The following ANKRD52 variants were observed in gnomAD, a reference collection of about 807,000 sequenced individuals.
ANKRD52 encodes the protein serine/threonine-protein phosphatase 6 regulatory ankyrin repeat subunit C.
In ANKRD52, 7 loss-of-function variants were observed where a neutral mutation model predicts 116.0. The observed-to-expected ratio is 0.06, with a 90% CI of 0.03 to 0.11. ANKRD52 has a LOEUF of 0.11. Ranked by LOEUF, ANKRD52 falls within the 10% of genes least tolerant of loss-of-function variation. ANKRD52 has a pLI of 1.00. For synonymous variants in ANKRD52, 528 were observed against 578.1 expected (o/e 0.91, Z 1.24); for missense variants, 839 against 1,408.6 (o/e 0.60, Z 6.47).
chr12:56,247,684 C>T lies in ANKRD52; in HGVS notation c.2066+3G>A. The T allele has an allele frequency of 1.2e-6, 2 of 1,610,300 alleles. No individual in the cohort carries two copies. The highest frequency in any genetic ancestry group is 1.7e-4 in the Middle Eastern group (1 of 6,060). On this transcript the variant is annotated splice_donor_region_variant and intron_variant, in intron 19 of 27. Coordinates refer to ENST00000267116, the MANE Select transcript of ANKRD52 (RefSeq NM_173595.4). Reference sequence around the variant, plus strand: ...CCTGCACCCCACCCTGGCCCACACTCACTGTCCATAGGCATCCATGACATC... The same window carrying T: ...CCTGCACCCCACCCTGGCCCACACTTACTGTCCATAGGCATCCATGACATC...
rs747544438 is a variant in ANKRD52, at chr12:56,252,771, A to T, written c.1301+9T>A. On this transcript the variant is annotated intron_variant, in intron 12 of 27. Transcript: ENST00000267116. This position sits in a 1 kb window ranked among gnomAD's most constrained non-coding sequence, Gnocchi z 4.7. ...TGCTCAAAGCATGGGAGAGAGAAAG[A>T]GAACTCACCCTCCGGAAGCAGCAGC... 2.5e-6 allele frequency: 4 copies of T among 1,612,146 alleles called. No individual in the cohort carries two copies. In the African/African-American group the frequency reaches 5.3e-5, roughly 22 times the overall value.
Position 56,254,030 on chromosome 12 carries a change from C to T in ANKRD52, c.906+37G>A, listed in dbSNP as rs775356598. The T allele has an allele frequency of 5.4e-5, 86 of 1,581,996 alleles. No individual in the cohort carries two copies. Among genetic ancestry groups the T allele is most frequent in the South Asian group, 1.9e-4 (17 of 89,970 alleles). On this transcript the variant is annotated intron_variant, in intron 8 of 27. Transcript: ENST00000267116. The surrounding 1 kb of genome is among the most constrained non-coding windows in gnomAD (Gnocchi z 4.6). ...AGTCAGGACCCCTAGATCCAAGTTT[C>T]GCTCCCCACTGGTCTAAGCCTTATC... is the stretch of plus-strand genomic sequence containing the variant.
Position 56,255,173 on chromosome 12 carries a change from G to T in ANKRD52, c.463-221C>A. ...GGGAAACAAGAGAGTCTCTTCAGGT[G>T]ATCTGGTGGTTCTTAAACTCTTTTT... On this transcript the variant is annotated intron_variant, in intron 5 of 27. Coordinates refer to ENST00000267116, the MANE Select transcript of ANKRD52 (RefSeq NM_173595.4). This position sits in a 1 kb window ranked among gnomAD's most constrained non-coding sequence, Gnocchi z 4.3. The T allele has an allele frequency of 2.2e-6, 1 of 451,606 alleles. No individual in the cohort carries two copies. Among genetic ancestry groups the T allele is most frequent in the Non-Finnish European group, 4.0e-6 (1 of 251,806 alleles). 28.0% of individuals were successfully genotyped at this position (451,606 alleles called of 1,614,324 possible). A position where few individuals can be genotyped will look rare whatever the true frequency, so the allele number is the denominator to read the frequency against.
At position 56,240,293 on chromosome 12, in the gene ANKRD52, T is replaced by C. The variant is rs745622874; in HGVS notation, c.*2849A>G. 6.6e-6 allele frequency: 1 copy of C among 152,202 alleles called. No individual in the cohort carries two copies. The highest frequency in any genetic ancestry group is 1.5e-5 in the Non-Finnish European group (1 of 68,062). The allele number at this position is 152,202 out of a possible 1,614,324, so 9.4% of individuals were successfully genotyped here. ...AAATAGCTCCCCCAAAATCAGAAAC[T>C]AAAAACTGGCTCTTTCCATCTCACC... On this transcript the variant is annotated 3_prime_UTR_variant, in exon 28 of 28. Coordinates refer to ENST00000267116, the MANE Select transcript of ANKRD52 (RefSeq NM_173595.4). The surrounding 1 kb of genome is among the most constrained non-coding windows in gnomAD (Gnocchi z 4.2).
Position 56,252,207 on chromosome 12 carries a change from G to A in ANKRD52, c.1479C>T (p.Leu493=). 1 of 1,614,024 alleles carries A rather than the reference G, an allele frequency of 6.2e-7. No individual in the cohort carries two copies. Among genetic ancestry groups the A allele is most frequent in the Non-Finnish European group, 8.5e-7 (1 of 1,179,902 alleles). Residue 493 remains leucine (L), a synonymous_variant, in exon 14 of 28, where the codon CTC becomes CTT. Coordinates refer to ENST00000267116, the MANE Select transcript of ANKRD52 (RefSeq NM_173595.4). This position sits in a 1 kb window ranked among gnomAD's most constrained non-coding sequence, Gnocchi z 4.7. ...AAGTGTCAGAAGCGGCAGCGTAGTG[G>A]AGGGGAGAGCAGCCTTTACAGTCGG... ...NEADCKGCSP[L]HYAAASDTYR... is the part of the protein sequence containing the mutation.
Position 56,241,720 on chromosome 12 carries a change from G to A in ANKRD52, c.*1422C>T. ...GAAGGGAACACTGGGCTGCAGGAGT[G>A]GGTCCAACTGTCCAGGAGGCTGCAC... On this transcript the variant is annotated 3_prime_UTR_variant, in exon 28 of 28. Coordinates refer to ENST00000267116, the MANE Select transcript of ANKRD52 (RefSeq NM_173595.4). 2.9e-6 allele frequency: 1 copy of A among 343,078 alleles called. No individual in the cohort carries two copies. Among genetic ancestry groups the A allele is most frequent in the Non-Finnish European group, 5.2e-6 (1 of 191,020 alleles). The allele number at this position is 343,078 out of a possible 1,614,324, so 21.3% of individuals were successfully genotyped here. A position where few individuals can be genotyped will look rare whatever the true frequency, so the allele number is the denominator to read the frequency against.
In ANKRD52 at chr12:56,248,370, C is replaced by G. The variant is rs182464539; in HGVS notation, c.1776+125G>C. 3 of 1,403,046 alleles carry G rather than the reference C, an allele frequency of 2.1e-6. No individual in the cohort carries two copies. The highest frequency in any genetic ancestry group is 3.0e-6 in the Non-Finnish European group (3 of 1,012,656). The allele number at this position is 1,403,046 out of a possible 1,614,324, so 86.9% of individuals were successfully genotyped here. A position where few individuals can be genotyped will look rare whatever the true frequency, so the allele number is the denominator to read the frequency against. On this transcript the variant is annotated intron_variant, in intron 17 of 27. Transcript: ENST00000267116. The surrounding 1 kb of genome is among the most constrained non-coding windows in gnomAD (Gnocchi z 5.1). ...GCCCCTTAAGGCTTCCTACCCTGCACTGTGCTTATCCCCTCTCCCACAAAA... is the reference window on the plus strand; with the variant it reads ...GCCCCTTAAGGCTTCCTACCCTGCAGTGTGCTTATCCCCTCTCCCACAAAA...
rs773087166 is a variant in ANKRD52, at chr12:56,248,259, G to C, written c.1777-35C>G. On this transcript the variant is annotated intron_variant, in intron 17 of 27. Transcript: ENST00000267116. This position sits in a 1 kb window ranked among gnomAD's most constrained non-coding sequence, Gnocchi z 5.1. ...TGCAGGCAACCAGTGCACACAGCTCGGGACCTTCCCTGCTCCTCCCTTCCC... is the reference window on the plus strand; with the variant it reads ...TGCAGGCAACCAGTGCACACAGCTCCGGACCTTCCCTGCTCCTCCCTTCCC... The C allele has an allele frequency of 6.2e-7, 1 of 1,607,394 alleles. No homozygotes were observed. Among genetic ancestry groups the C allele is most frequent in the Non-Finnish European group, 8.5e-7 (1 of 1,175,898 alleles).
In ANKRD52 at chr12:56,252,383, G is replaced by A. The variant is rs1359785991; in HGVS notation, c.1371-68C>T. The A allele has an allele frequency of 3.1e-6, 5 of 1,600,716 alleles. No individual in the cohort carries two copies. The highest frequency in any genetic ancestry group is 4.3e-6 in the Non-Finnish European group (5 of 1,168,704). ...AGATACGAATGCAATCAGATGTGCA[G>A]CCAAATGCTGCTTTGTAACATTCTC... is the stretch of plus-strand genomic sequence containing the variant. On this transcript the variant is annotated intron_variant, in intron 13 of 27. Coordinates refer to ENST00000267116, the MANE Select transcript of ANKRD52 (RefSeq NM_173595.4). The surrounding 1 kb of genome is among the most constrained non-coding windows in gnomAD (Gnocchi z 4.7).
Position 56,244,932 on chromosome 12 carries a change from A to C in ANKRD52, c.2550T>G (p.Ile850Met), listed in dbSNP as rs764374990. Residue 850 changes from isoleucine to methionine, a missense_variant, in exon 23 of 28, where the codon ATT becomes ATG. This residue lies in a region of ANKRD52 where 552 missense variants were observed against 810.6 expected (regional missense o/e 0.68). Coordinates refer to ENST00000267116, the MANE Select transcript of ANKRD52 (RefSeq NM_173595.4). This position sits in a 1 kb window ranked among gnomAD's most constrained non-coding sequence, Gnocchi z 4.9. ...GTCCTTTGGCATCTCGGCTGTTCAC[A>C]ATCTTGGCACCCAGAGCTCCCAGTA... is the stretch of plus-strand genomic sequence containing the variant. ...EMLLGALGAK[I>M]VNSRDAKGRT... 5.6e-6 allele frequency: 9 copies of C among 1,613,870 alleles called. No homozygotes were observed. Among genetic ancestry groups the C allele is most frequent in the Non-Finnish European group, 7.6e-6 (9 of 1,179,850 alleles).
At position 56,257,103 on chromosome 12, in the gene ANKRD52, C is replaced by G; in HGVS notation, c.191-18G>C. On this transcript the variant is annotated intron_variant, in intron 3 of 27. Transcript: ENST00000267116. ...ATTAGCACCTGTGGGGATATAATTTCCTATTTTGATGGAAGGTGGGGAGGA... is the reference window on the plus strand; with the variant it reads ...ATTAGCACCTGTGGGGATATAATTTGCTATTTTGATGGAAGGTGGGGAGGA... 1 of 1,609,084 alleles carries G rather than the reference C, an allele frequency of 6.2e-7. No individual in the cohort carries two copies. The highest frequency in any genetic ancestry group is 8.5e-7 in the Non-Finnish European group (1 of 1,177,754).
chr12:56,257,244 G>GCTCC, intron 3 of ANKRD52, 39 bp downstream of exon 3: 1 of 1,563,174 alleles, frequency 6.4e-7, no homozygotes, highest in South Asian at 1.2e-5. Context: ...CCCTCCCTTC[G>GCTCC]CTCCCTATGT....
intron 4 of ANKRD52, 40 bp from the exon 5 acceptor site, chr12:56,256,024 G>A (rs564261322): frequency 5.9e-6 from 9 of 1,530,114 alleles, no homozygotes; most frequent in South Asian, 2.4e-5. Context: ...GTGGGAGCAG[G>A]AGGTAAAACA....
rs773591765 is a variant in ANKRD52 at position 56,247,731 on chromosome 12, A to G, written c.2022T>C (p.Ser674=). The change falls in exon 19 of 28, where the codon AGT becomes AGC. Residue 674 remains serine, a synonymous_variant. Coordinates refer to ENST00000267116, the MANE Select transcript of ANKRD52 (RefSeq NM_173595.4). ...CATCTGTGATGTCAGCTCGTTCCCC[A>G]CTGTCGATCAGCAAGTGCAGGGAGT... The part of the protein sequence containing the change: ...HTDSLHLLID[S]GERADITDVM... The G allele has an allele frequency of 1.9e-6, 3 of 1,612,606 alleles. No homozygotes were observed. The highest frequency in any genetic ancestry group is 1.1e-5 in the South Asian group (1 of 90,726).
rs781597281 is a variant in ANKRD52, at chr12:56,248,192, C to T, written c.1809G>A (p.Thr603=). 10 of 1,613,908 alleles carry T rather than the reference C, an allele frequency of 6.2e-6. No homozygotes were observed. The highest frequency in any genetic ancestry group is 7.6e-6 in the Non-Finnish European group (9 of 1,179,896). ...AYNGHCEALK[T]LAETLVNLDV... Reference sequence around the variant, plus strand: ...CCAGATTCACCAGCGTCTCCGCCAGCGTCTTCAAGGCTTCACAGTGACCGT... The same window carrying T: ...CCAGATTCACCAGCGTCTCCGCCAGTGTCTTCAAGGCTTCACAGTGACCGT... The change falls in exon 18 of 28, where the codon ACG becomes ACA. Residue 603 remains threonine, a synonymous_variant. Coordinates refer to ENST00000267116, the MANE Select transcript of ANKRD52 (RefSeq NM_173595.4). The surrounding 1 kb of genome is among the most constrained non-coding windows in gnomAD (Gnocchi z 5.1).
In ANKRD52 at chr12:56,252,931, A is replaced by T. The variant is rs1432673391; in HGVS notation, c.1184-34T>A. The T allele has an allele frequency of 6.2e-7, 1 of 1,607,650 alleles. No homozygotes were observed. Among genetic ancestry groups the T allele is most frequent in the Non-Finnish European group, 8.5e-7 (1 of 1,176,618 alleles). On this transcript the variant is annotated intron_variant, in intron 11 of 27. Transcript: ENST00000267116. The surrounding 1 kb of genome is among the most constrained non-coding windows in gnomAD (Gnocchi z 4.7). Reference sequence around the variant, plus strand: ...ACAGAACAGCCACAGGTCACATCTGAGAGTGTTCAGCAGGGAGGGAAAGGC... The same window carrying T: ...ACAGAACAGCCACAGGTCACATCTGTGAGTGTTCAGCAGGGAGGGAAAGGC...
rs760596321 is a variant in ANKRD52 at position 56,253,293 on chromosome 12, G to T, written c.1095C>A (p.Thr365=). The change falls in exon 10 of 28, where the codon ACC becomes ACA. Residue 365 remains threonine (T), a synonymous_variant. Coordinates refer to ENST00000267116, the MANE Select transcript of ANKRD52 (RefSeq NM_173595.4). This position sits in a 1 kb window ranked among gnomAD's most constrained non-coding sequence, Gnocchi z 5.5. ...GAGTCGGGGCCCTGACTCACCGGGC[G>T]GTATCTGCGCCATTGGTCATGAGGG... The part of the protein sequence containing the change: ...ISTLMTNGAD[T]ARRGIHDMFP... 6.2e-7 allele frequency: 1 copy of T among 1,612,944 alleles called. No homozygotes were observed. Among genetic ancestry groups the T allele is most frequent in the East Asian group, 2.2e-5 (1 of 44,866 alleles).
intron 2 of ANKRD52, 44 bp from the exon 3 acceptor site, chr12:56,257,405 G>A (rs1487217037): frequency 6.6e-7 from 1 of 1,516,412 alleles, no homozygotes; most frequent in Admixed American, 2.0e-5. Context: ...GCGGGGTAAG[G>A]GGGCTATCAA....
chr12:56,244,364 C>A lies in ANKRD52; in HGVS notation c.2794G>T (p.Ala932Ser). ...DENKNTALHL[A>S]CSKGHEKCAL... ...CTTCAGGTAAGTACCTTGCTACAAG[C>A]CAAGTGGAGGGCCGTGTTCTTGTTC... is the stretch of plus-strand genomic sequence containing the variant. Residue 932 changes from alanine to serine, a missense_variant, in exon 25 of 28, where the codon GCT (alanine) becomes TCT (serine). Physicochemically the swap from Ala to Ser is moderately conservative, Grantham distance 99. Coordinates refer to ENST00000267116, the MANE Select transcript of ANKRD52 (RefSeq NM_173595.4). The surrounding 1 kb of genome is among the most constrained non-coding windows in gnomAD (Gnocchi z 4.9). 1 of 1,613,972 alleles carries A rather than the reference C, an allele frequency of 6.2e-7. No individual in the cohort carries two copies. The highest frequency in any genetic ancestry group is 8.5e-7 in the Non-Finnish European group (1 of 1,179,868).
Sources: allele counts gnomAD v4.1 joint callset, GRCh38; gene constraint gnomAD v4.1.1; regional missense constraint gnomAD v4.1.1; non-coding constraint Gnocchi (gnomAD v3.1); transcripts MANE v1.5; gene names NCBI Gene and HGNC (gene_info 2026-07-23, HGNC 2026-07-21).